The following NDUFB6 variants were observed in gnomAD, a reference collection of about 807,000 sequenced individuals.
NDUFB6 encodes NADH dehydrogenase [ubiquinone] 1 beta subcomplex subunit 6.
In NDUFB6, 23 loss-of-function variants were observed where a neutral mutation model predicts 17.5. That is an observed-to-expected ratio of 1.31 (90% confidence interval 0.94 to 1.86). NDUFB6 has a LOEUF of 1.86. Among genes scored for constraint, NDUFB6 ranks in the 40% most tolerant of loss-of-function variants. The pLI is 0.00. For synonymous variants in NDUFB6, 60 were observed against 53.5 expected (o/e 1.12, Z -0.53); for missense variants, 167 against 153.8 (o/e 1.09, Z -0.46).
intron 2 of NDUFB6, chr9:32,567,218 A>C: frequency 2.1e-6 from 1 of 474,406 alleles, no homozygotes; most frequent in Non-Finnish European, 4.4e-6. Context: ...ACAGGGCTCT[A>C]CACCAGGTGT....
rs1821923843 is a variant in NDUFB6 at position 32,571,000 on chromosome 9, GGTACAA to G, written c.227_232del (p.Leu76_Val77del). On this transcript the variant is annotated inframe_deletion, in exon 2 of 4. Coordinates refer to ENST00000379847, the MANE Select transcript of NDUFB6 (RefSeq NM_002493.5). Reference sequence around the variant, plus strand: ...CATGTAATAATGAATAATCCAGACAGGTACAAGTACATGAGTGAAAACAAAGATACT... The same window carrying G: ...CATGTAATAATGAATAATCCAGACAGGTACATGAGTGAAAACAAAGATACT... 6.2e-7 allele frequency: 1 copy of G among 1,604,572 alleles called. No individual in the cohort carries two copies. Among genetic ancestry groups the G allele is most frequent in the Admixed American group, 1.7e-5 (1 of 58,858 alleles).
intron 2 of NDUFB6, chr9:32,566,370 T>G: frequency 8.7e-7 from 1 of 1,147,776 alleles, no homozygotes; most frequent in Non-Finnish European, 1.3e-6. Context: ...GGTGCGTTTT[T>G]GTTTCCACTA....
chr9:32,557,163 T>C (rs1428682626), intron 3 of NDUFB6, among the ~76,000 whole-genome samples: 1 of 19,792 alleles, frequency 5.1e-5, no homozygotes, highest in African/African-American at 1.5e-4. Context: ...TGGCCCCCAC[T>C]TTTTTTTTTT....
chr9:32,564,942 T>G (rs1821737399), intron 2 of NDUFB6, among the ~76,000 whole-genome samples: 4 of 152,184 alleles, frequency 2.6e-5, no homozygotes, highest in African/African-American at 9.7e-5. Flanking sequence ...TGGTTCGACA[T>G]AATAGCTATG....
In NDUFB6 at chr9:32,553,688, T is replaced by C; in HGVS notation, c.*188A>G. On this transcript the variant is annotated 3_prime_UTR_variant, in exon 4 of 4. Coordinates refer to ENST00000379847, the MANE Select transcript of NDUFB6 (RefSeq NM_002493.5). The stretch of plus-strand genomic sequence containing the variant: ...CAGAAAAAGTAGGTAGTCTCTCATA[T>C]TTGTTTAGCATGTCCACTTTTTACT... The C allele has an allele frequency of 1.8e-6, 1 of 543,672 alleles. No individual in the cohort carries two copies. Among genetic ancestry groups the C allele is most frequent in the South Asian group, 2.4e-5 (1 of 42,498 alleles). The allele number at this position is 543,672 out of a possible 1,614,324, so 33.7% of individuals were successfully genotyped here.
chr9:32,571,126 T>A, intron 1 of NDUFB6, 74 bp from the exon 2 acceptor site: 1 of 985,940 alleles, frequency 1.0e-6, no homozygotes, highest in East Asian at 2.6e-5. Context: ...AAGGCATCAA[T>A]GATGTAACAA....
At chr9:32,562,866 T>C (rs1563994589) in intron 2 of NDUFB6, among the ~76,000 whole-genome samples, 1 of 152,230 alleles carries the variant, frequency 6.6e-6, no homozygotes, top group African/African-American at 2.4e-5. Flanking sequence ...AAATTCTGAC[T>C]GCCAACACCG....
intron 2 of NDUFB6, among the ~76,000 whole-genome samples, chr9:32,569,029 G>A (rs935677914): frequency 1.3e-5 from 2 of 151,010 alleles, no homozygotes; most frequent in South Asian, 2.1e-4. Flanking sequence ...GATTACAGGC[G>A]TGGGACACCG....
chr9:32,562,321 A>C (rs1348723665), intron 2 of NDUFB6, among the ~76,000 whole-genome samples: 4 of 152,214 alleles, frequency 2.6e-5, no homozygotes, highest in Non-Finnish European at 5.9e-5. Flanking sequence ...TTGTTAATCA[A>C]GGGGCTTAAT....
intron 3 of NDUFB6, among the ~76,000 whole-genome samples, chr9:32,557,653 A>G (rs986733647): frequency 4.2e-5 from 6 of 142,498 alleles, no homozygotes; most frequent in Non-Finnish European, 9.2e-5. Context: ...TAATTTTTGT[A>G]TTTTTAGTAG....
intron 2 of NDUFB6, among the ~76,000 whole-genome samples, chr9:32,560,448 A>C (rs541732139): frequency 6.6e-6 from 1 of 152,372 alleles, no homozygotes; most frequent in South Asian, 2.1e-4. Context: ...TTAAACCCAG[A>C]GTATAAATAA....
chr9:32,553,166 A>T lies in NDUFB6; in HGVS notation c.*710T>A. On this transcript the variant is annotated 3_prime_UTR_variant, in exon 4 of 4. Coordinates refer to ENST00000379847, the MANE Select transcript of NDUFB6 (RefSeq NM_002493.5). ...ATAGTTGGAATAAGCTTTTCAATCA[A>T]GTTTCTAAATTCTTCAAAAATGATT... The T allele has an allele frequency of 2.7e-6, 1 of 376,416 alleles. No homozygotes were observed. The highest frequency in any genetic ancestry group is 4.7e-6 in the Non-Finnish European group (1 of 211,584). 23.3% of individuals were successfully genotyped at this position (376,416 alleles called of 1,614,324 possible).
At chr9:32,570,703 T>G (rs1587652670) in intron 2 of NDUFB6, among the ~76,000 whole-genome samples, 1 of 152,298 alleles carries the variant, frequency 6.6e-6, no homozygotes, top group Non-Finnish European at 1.5e-5. Context: ...CCTAGTATTA[T>G]TAGGTCACTA....
intron 2 of NDUFB6, among the ~76,000 whole-genome samples, chr9:32,570,610 G>A (rs1484090090): frequency 2.0e-5 from 3 of 152,178 alleles, no homozygotes; most frequent in Non-Finnish European, 4.4e-5. Flanking sequence ...TGTCTATTTT[G>A]AATTTTTACC....
intron 2 of NDUFB6, chr9:32,566,033 AT>A: frequency 5.8e-6 from 2 of 346,276 alleles, no homozygotes; most frequent in Middle Eastern, 8.1e-4. Flanking sequence ...TGCCGGAAAT[AT>A]TTTTTAAGGT....
chr9:32,569,679 ATTTTTTTTTCTT>A (rs61630572), intron 2 of NDUFB6, among the ~76,000 whole-genome samples: 1 of 147,514 alleles, frequency 6.8e-6, no homozygotes. Context: ...ACATCCAGCT[ATTTTTTTTTCTT>A]TTTTTTTGGA....
At position 32,553,868 on chromosome 9, in the gene NDUFB6, C is replaced by T. The variant is rs1211185061; in HGVS notation, c.*8G>A. On this transcript the variant is annotated 3_prime_UTR_variant, in exon 4 of 4. Coordinates refer to ENST00000379847, the MANE Select transcript of NDUFB6 (RefSeq NM_002493.5). ...GGCTCATAAGCCTTTTAACTTTTTA[C>T]ATAATCTTTAATGATGTTGATCAGG... The T allele has an allele frequency of 1.2e-5, 19 of 1,555,294 alleles. No homozygotes were observed. The highest frequency in any genetic ancestry group is 2.2e-5 in the South Asian group (2 of 88,990).
intron 3 of NDUFB6, among the ~76,000 whole-genome samples, chr9:32,554,651 G>T (rs1177826237): frequency 6.6e-6 from 1 of 152,172 alleles, no homozygotes; most frequent in Non-Finnish European, 1.5e-5. Context: ...TACTGCTCAG[G>T]ATTATAGTCC....
intron 2 of NDUFB6, chr9:32,566,874 G>A (rs574483990): frequency 1.8e-4 from 114 of 637,758 alleles, no homozygotes; most frequent in South Asian, 1.7e-3. Context: ...TGAGCCACGC[G>A]TGCGGCTGGC....
Sources: allele counts gnomAD v4.1 joint callset (sites outside exome capture counted in the v4.1 genomes callset), GRCh38; gene constraint gnomAD v4.1.1; transcripts MANE v1.5; gene names NCBI Gene and HGNC (gene_info 2026-07-23, HGNC 2026-07-21).